Variants in ISY1 observed in about 807,000 individuals in gnomAD.
The protein encoded by ISY1 is pre-mRNA-splicing factor ISY1 homolog.
A neutral mutation model predicts 54.4 loss-of-function variants in ISY1; 12 were observed. The observed-to-expected ratio is 0.22, with a 90% confidence interval of 0.14 to 0.36. ISY1 has a LOEUF of 0.36. Among genes scored for constraint, ISY1 ranks in the 10% least tolerant of loss-of-function variants. ISY1 has a pLI of 1.00. For missense variants in ISY1, 282 were observed against 342.2 expected, an observed-to-expected ratio of 0.82 and a Z score of 1.39; for synonymous variants, 96 against 117.9, an observed-to-expected ratio of 0.81 and a Z score of 1.20.
At chr3:129,135,004 A>G (rs1489512791) in intron 7 of ISY1, 50 bp from the exon 8 acceptor site, 2 of 1,559,150 alleles carry the variant, frequency 1.3e-6, no homozygotes, top group African/African-American at 2.7e-5. Context: ...ATCACACTCC[A>G]GCGAAGCTGT....
intron 9 of ISY1, among the ~76,000 whole-genome samples, chr3:129,133,401 A>G (rs1936291171): frequency 1.3e-5 from 2 of 152,234 alleles, no homozygotes; most frequent in African/African-American, 4.8e-5. Context: ...CATGTGTAAG[A>G]CAGGGGTGTT....
Position 129,140,489 on chromosome 3 carries a change from A to G in ISY1, c.301-4T>C, listed in dbSNP as rs1223053207. Reference sequence around the variant, plus strand: ...CCAGCATTTTAGGGCCAACTTTCTTATTGGGAAGAAAAAAAGAGAAAATGG... The same window carrying G: ...CCAGCATTTTAGGGCCAACTTTCTTGTTGGGAAGAAAAAAAGAGAAAATGG... On this transcript the variant is annotated splice_polypyrimidine_tract_variant and splice_region_variant and intron_variant, in intron 6 of 10. Coordinates refer to ENST00000393295, the MANE Select transcript of ISY1 (RefSeq NM_020701.4). 5 of 1,593,676 alleles carry G rather than the reference A, an allele frequency of 3.1e-6. No homozygotes were observed. The Admixed American group carries it at 7.5e-5, about 24-fold the overall frequency.
chr3:129,156,737 T>C (rs1204765525), intron 4 of ISY1, 62 bp from the exon 5 acceptor site: 1 of 1,555,288 alleles, frequency 6.4e-7, no homozygotes, highest in Non-Finnish European at 8.7e-7. Context: ...ACAGAAAAAC[T>C]ATAATTCAAA....
chr3:129,156,209 T>C (rs1937134318), intron 5 of ISY1, among the ~76,000 whole-genome samples: 1 of 151,770 alleles, frequency 6.6e-6, no homozygotes, highest in Admixed American at 6.6e-5. Context: ...CCATCCTGGC[T>C]AACATGGTGA....
At chr3:129,132,789 G>T (rs1936273597) in intron 9 of ISY1, among the ~76,000 whole-genome samples, 1 of 152,232 alleles carries the variant, frequency 6.6e-6, no homozygotes, top group African/African-American at 2.4e-5. Context: ...ATGAATATTT[G>T]TACCTAGAGG....
chr3:129,158,640 T>C, intron 2 of ISY1, 81 bp from the exon 3 acceptor site: 2 of 1,558,380 alleles, frequency 1.3e-6, no homozygotes, highest in East Asian at 2.2e-5. Context: ...CTGTATGGGG[T>C]AGATCTGCTT....
rs758088143 is a variant in ISY1 at position 129,134,027 on chromosome 3, G to T, written c.663+47C>A. ...AGTTTCCTCCCTGCCACACTTCATG[G>T]CTTGGAACAGATGGCAGTGAGTGCC... On this transcript the variant is annotated intron_variant, in intron 9 of 10. Transcript: ENST00000393295. 5.6e-6 allele frequency: 9 copies of T among 1,611,526 alleles called. No homozygotes were observed. In the South Asian group the frequency reaches 8.8e-5, roughly 16 times the overall value.
At position 129,129,264 on chromosome 3, in the gene ISY1, C is replaced by CG. The variant is rs1936172547; in HGVS notation, c.*816_*817insC. 6.6e-6 allele frequency: 1 copy of CG among 152,204 alleles called. No homozygotes were observed. Among genetic ancestry groups the CG allele is most frequent in the African/African-American group, 2.4e-5 (1 of 41,434 alleles). The allele number at this position is 152,204 out of a possible 1,614,324, so 9.4% of individuals were successfully genotyped here. A position where few individuals can be genotyped will look rare whatever the true frequency, so the allele number is the denominator to read the frequency against. On this transcript the variant is annotated 3_prime_UTR_variant, in exon 11 of 11. Transcript: ENST00000393295. ...AAACAGGAATAGCAAACTCAAATTC[C>CG]TGCCACCCAGGCAGGAGCGAGTGGA...
intron 6 of ISY1, among the ~76,000 whole-genome samples, chr3:129,142,062 G>A (rs1336843364): frequency 6.6e-6 from 1 of 151,944 alleles, no homozygotes; most frequent in East Asian, 1.9e-4. Context: ...AAAATTAGCA[G>A]GGTACGGTGG....
chr3:129,139,706 G>T (rs1490678265), intron 7 of ISY1, among the ~76,000 whole-genome samples: 1 of 151,740 alleles, frequency 6.6e-6, no homozygotes, highest in African/African-American at 2.4e-5. Context: ...GCAATGGCAC[G>T]ATCTCGGCTC....
intron 5 of ISY1, among the ~76,000 whole-genome samples, chr3:129,149,610 A>AAAAAATATAT (rs1936884507): frequency 1.2e-4 from 3 of 24,628 alleles, no homozygotes; most frequent in African/African-American, 3.6e-4. Context: ...AAAAAAAAAA[A>AAAAAATATAT]ATATATATAT....
At chr3:129,131,010 A>C (rs1362719511) in intron 9 of ISY1, among the ~76,000 whole-genome samples, 1 of 152,252 alleles carries the variant, frequency 6.6e-6, no homozygotes, top group Non-Finnish European at 1.5e-5. Context: ...CATGCATAGA[A>C]AAATAATCAG....
In ISY1 at chr3:129,134,908, G is replaced by A. The variant is rs776522365; in HGVS notation, c.465C>T (p.Ile155=). ...RKTRAELMKA[I]DFEYYGYLDE... ...CTAGGTAACCATAGTACTCAAAATC[G>A]ATTGCCTTCATGAGCTCAGCACGTG... Residue 155 remains isoleucine (I), a synonymous_variant, in exon 8 of 11, where the codon ATC becomes ATT. Transcript: ENST00000393295. 3.3e-4 allele frequency: 536 copies of A among 1,611,116 alleles called. 2 individuals carry two copies. The highest frequency in any genetic ancestry group is 4.3e-5 in the Non-Finnish European group (51 of 1,178,104).
intron 5 of ISY1, among the ~76,000 whole-genome samples, chr3:129,156,118 G>C (rs1329023817): frequency 6.6e-6 from 1 of 151,976 alleles, no homozygotes; most frequent in Non-Finnish European, 1.5e-5. Context: ...CATGTATTAG[G>C]CCGGGCATAG....
intron 5 of ISY1, among the ~76,000 whole-genome samples, chr3:129,151,607 T>G (rs1425168496): frequency 6.6e-6 from 1 of 152,104 alleles, no homozygotes; most frequent in Non-Finnish European, 1.5e-5. Context: ...TCAGCCTGGG[T>G]GACAGAGCGA....
At chr3:129,160,821 G>A (rs962107455) in intron 1 of ISY1, among the ~76,000 whole-genome samples, 152 bp downstream of exon 1, 3 of 152,212 alleles carry the variant, frequency 2.0e-5, no homozygotes, top group Non-Finnish European at 4.4e-5. Flanking sequence ...AGCTAATGGA[G>A]GCAGGAAGAG....
intron 5 of ISY1, among the ~76,000 whole-genome samples, chr3:129,149,230 G>A (rs1385398613): frequency 6.6e-6 from 1 of 151,210 alleles, no homozygotes; most frequent in Non-Finnish European, 1.5e-5. Flanking sequence ...TTGGGAGTTC[G>A]AGACCAGTTT....
In ISY1 at chr3:129,135,027, C is replaced by A. The variant is rs187858283; in HGVS notation, c.419-73G>T. ...CCAGCGAAGCTGTCTCCTGATGCAA[C>A]GCTATACACACACGTGGCACGTATG... On this transcript the variant is annotated intron_variant, in intron 7 of 10. Coordinates refer to ENST00000393295, the MANE Select transcript of ISY1 (RefSeq NM_020701.4). 97 of 1,512,380 alleles carry A rather than the reference C, an allele frequency of 6.4e-5. No individual in the cohort carries two copies. The East Asian group carries it at 2.0e-3, about 31-fold the overall frequency. The allele number at this position is 1,512,380 out of a possible 1,614,324, so 93.7% of individuals were successfully genotyped here. A position where few individuals can be genotyped will look rare whatever the true frequency, so the allele number is the denominator to read the frequency against.
chr3:129,155,117 T>C (rs1937098392), intron 5 of ISY1, among the ~76,000 whole-genome samples: 1 of 151,972 alleles, frequency 6.6e-6, no homozygotes, highest in Admixed American at 6.6e-5. Context: ...TTGCTCTTCT[T>C]TTCTAATTTC....
Sources: gnomAD v4.1 joint callset for allele counts (sites outside exome capture counted in the v4.1 genomes callset) on GRCh38, gnomAD v4.1.1 for gene constraint, MANE v1.5 for transcripts, NCBI Gene and HGNC (gene_info 2026-07-23, HGNC 2026-07-21) for gene names.